Variants in SHISA9 observed in about 807,000 individuals in gnomAD.
The protein encoded by SHISA9 is protein shisa-9.
In SHISA9, 13 loss-of-function variants were observed where a neutral mutation model predicts 38.0. That is an observed-to-expected ratio of 0.34 (90% CI 0.22 to 0.54). The LOEUF (loss-of-function observed/expected upper bound fraction) is 0.54. Among genes scored for constraint, SHISA9 ranks in the 20% least tolerant of loss-of-function variants. The pLI is 0.91. For synonymous variants in SHISA9, 275 were observed against 242.0 expected (o/e 1.14, Z -1.27); for missense variants, 538 against 575.8 (o/e 0.93, Z 0.67).
chr16:13,048,438 T>C (rs2073212046), intron 2 of SHISA9, among the ~76,000 whole-genome samples: 1 of 152,192 alleles, frequency 6.6e-6, no homozygotes, highest in African/African-American at 2.4e-5. Flanking sequence ...CATTTTTTTT[T>C]TGAGACGGAG....
chr16:12,990,853 C>A (rs759161455), intron 2 of SHISA9, among the ~76,000 whole-genome samples: 9 of 152,192 alleles, frequency 5.9e-5, no homozygotes, highest in Non-Finnish European at 1.2e-4. Context: ...TTAAACCAAA[C>A]ATATTTCACC....
At chr16:13,305,459 T>A in the SHISA9 span, among the ~76,000 whole-genome samples, 42,365 of 151,982 alleles carry the variant, frequency 0.28, 6,848 homozygotes, top group Admixed American at 0.43. Context: ...TGGAATAATG[T>A]GCCTCATGAG....
chr16:13,330,838 G>A, the SHISA9 span, among the ~76,000 whole-genome samples: 1 of 152,084 alleles, frequency 6.6e-6, no homozygotes, highest in East Asian at 1.9e-4. Flanking sequence ...AAGGCCAGCG[G>A]GGAATGATAT....
At chr16:12,955,954 A>C (rs1005211423) in intron 2 of SHISA9, among the ~76,000 whole-genome samples, 3 of 152,252 alleles carry the variant, frequency 2.0e-5, no homozygotes, top group Non-Finnish European at 4.4e-5. Flanking sequence ...ATAAATAATC[A>C]ACAGAGTACA....
chr16:13,516,820 A>G, the SHISA9 span, among the ~76,000 whole-genome samples: 4 of 151,516 alleles, frequency 2.6e-5, no homozygotes, highest in Non-Finnish European at 4.4e-5. Flanking sequence ...AATTACAGGG[A>G]AGGAGAGAAA....
At chr16:13,354,965 C>G in the SHISA9 span, among the ~76,000 whole-genome samples, 2 of 150,632 alleles carry the variant, frequency 1.3e-5, no homozygotes, top group African/African-American at 4.9e-5. Context: ...ATTTGCTGAG[C>G]TTGATGGGTG....
intron 2 of SHISA9, among the ~76,000 whole-genome samples, chr16:13,025,229 CT>C (rs1348205039): frequency 6.6e-6 from 1 of 152,298 alleles, no homozygotes; most frequent in Admixed American, 6.5e-5. Flanking sequence ...TTTCCTCTAT[CT>C]TTCTAGACCA....
chr16:12,942,615 A>C (rs2071626173), intron 2 of SHISA9, among the ~76,000 whole-genome samples: 1 of 152,194 alleles, frequency 6.6e-6, no homozygotes, highest in South Asian at 2.1e-4. Context: ...TAAGTGCTAG[A>C]AAAAAGCTTT....
the SHISA9 span, among the ~76,000 whole-genome samples, chr16:13,512,897 A>G: frequency 6.6e-6 from 1 of 152,210 alleles, no homozygotes; most frequent in Admixed American, 6.5e-5. Flanking sequence ...ACCCAAAACT[A>G]TAAAAACCCT....
chr16:13,403,324 G>C, the SHISA9 span, among the ~76,000 whole-genome samples: 1 of 152,236 alleles, frequency 6.6e-6, no homozygotes, highest in Admixed American at 6.5e-5. Context: ...AGCCTTTTAG[G>C]ACCTAATTTT....
At chr16:13,450,404 C>A in the SHISA9 span, among the ~76,000 whole-genome samples, 1 of 152,160 alleles carries the variant, frequency 6.6e-6, no homozygotes, top group Non-Finnish European at 1.5e-5. Context: ...CTGATCTATG[C>A]TAATCCCACT....
chr16:13,282,113 C>G, the SHISA9 span, among the ~76,000 whole-genome samples: 5 of 151,924 alleles, frequency 3.3e-5, no homozygotes, highest in Non-Finnish European at 1.5e-5. Context: ...TGAGTACATT[C>G]AAGTTTCTAT....
At chr16:13,233,490 T>C (rs1387783524) in intron 4 of SHISA9, among the ~76,000 whole-genome samples, 1 of 152,216 alleles carries the variant, frequency 6.6e-6, no homozygotes, top group South Asian at 2.1e-4. Flanking sequence ...TCAGCAAACT[T>C]TTTAAAGAAG....
chr16:13,467,671 A>G, the SHISA9 span, among the ~76,000 whole-genome samples: 2 of 152,204 alleles, frequency 1.3e-5, no homozygotes. Context: ...CATGATTTAG[A>G]GAATGGATCT....
At chr16:13,554,865 T>A in the SHISA9 span, among the ~76,000 whole-genome samples, 2 of 152,174 alleles carry the variant, frequency 1.3e-5, no homozygotes, top group South Asian at 2.1e-4. Context: ...TTTTGAATCA[T>A]GAGGGGCATT....
At chr16:13,092,502 G>T (rs1412568421) in intron 2 of SHISA9, among the ~76,000 whole-genome samples, 1 of 152,192 alleles carries the variant, frequency 6.6e-6, no homozygotes, top group Non-Finnish European at 1.5e-5. Flanking sequence ...TGGCCACTTT[G>T]TTTACCTACT....
intron 2 of SHISA9, among the ~76,000 whole-genome samples, chr16:13,113,960 C>A (rs1172603124): frequency 1.3e-5 from 2 of 152,164 alleles, no homozygotes; most frequent in African/African-American, 4.8e-5. Flanking sequence ...CAGCAAAGCG[C>A]TTACCATGGA....
the SHISA9 span, among the ~76,000 whole-genome samples, chr16:13,366,849 G>A: frequency 9.2e-5 from 14 of 151,952 alleles, no homozygotes; most frequent in Non-Finnish European, 1.3e-4. Flanking sequence ...TGGGCATGGT[G>A]GCACATGCCT....
chr16:13,332,365 T>C, the SHISA9 span, among the ~76,000 whole-genome samples: 1 of 152,204 alleles, frequency 6.6e-6, no homozygotes, highest in African/African-American at 2.4e-5. Context: ...GGTGGACCCA[T>C]CTGCCTCTTG....
Sources: allele counts gnomAD v4.1 joint callset (sites outside exome capture counted in the v4.1 genomes callset), GRCh38; gene constraint gnomAD v4.1.1; transcripts MANE v1.5; gene names NCBI Gene and HGNC (gene_info 2026-07-23, HGNC 2026-07-21).